The following RALGAPB variants were observed in gnomAD, a reference collection of about 807,000 sequenced individuals.
RALGAPB encodes ral GTPase-activating protein subunit beta.
RALGAPB carries 25 observed loss-of-function variants against 161.1 expected under a neutral mutation model. That is an observed-to-expected ratio of 0.16 (90% confidence interval 0.11 to 0.22). The LOEUF is 0.22. RALGAPB is among the 10% of genes least tolerant of loss of function. The probability of loss-of-function intolerance (pLI) is 1.00; values close to 1 mark genes in which losing one functional copy is unlikely to be tolerated. For missense variants in RALGAPB, 1,391 were observed against 1,815.2 expected, an observed-to-expected ratio of 0.77 and a Z score of 4.25; for synonymous variants, 629 against 626.1, an observed-to-expected ratio of 1.00 and a Z score of -0.07.
At position 38,548,801 on chromosome 20, in the gene RALGAPB, C is replaced by T. The variant is rs2087260606; in HGVS notation, c.3009+6C>T. The T allele has an allele frequency of 1.9e-6, 3 of 1,595,046 alleles. No homozygotes were observed. The highest frequency in any genetic ancestry group is 2.6e-6 in the Non-Finnish European group (3 of 1,162,696). On this transcript the variant is annotated splice_donor_region_variant and intron_variant, in intron 20 of 29. Transcript: ENST00000262879. ...GAGCAAAAGCAAATCAGAAGGTATT[C>T]ATCAGAAGTTACAGGGAAGTGTGTG...
intron 13 of RALGAPB, 107 bp from the exon 14 acceptor site, chr20:38,531,060 T>C: frequency 2.0e-6 from 2 of 995,512 alleles, no homozygotes; most frequent in Non-Finnish European, 3.0e-6. Context: ...TCAGGAATGC[T>C]CAACCAAAAT....
At chr20:38,572,828 A>G (rs2088289541) in intron 28 of RALGAPB, among the ~76,000 whole-genome samples, 1 of 152,184 alleles carries the variant, frequency 6.6e-6, no homozygotes. Flanking sequence ...ATACTTTCTT[A>G]ATATTATCTA....
intron 6 of RALGAPB, among the ~76,000 whole-genome samples, chr20:38,515,196 T>C (rs1032280516): frequency 6.6e-6 from 1 of 152,238 alleles, no homozygotes; most frequent in African/African-American, 2.4e-5. Context: ...AGTCCAGTTC[T>C]ATGGAAACAG....
intron 18 of RALGAPB, among the ~76,000 whole-genome samples, chr20:38,545,734 G>A (rs757918188): frequency 5.5e-4 from 84 of 152,176 alleles, no homozygotes; most frequent in Non-Finnish European, 8.8e-4. Flanking sequence ...ATGGTTTGCA[G>A]AAAATAGGAG....
chr20:38,504,426 A>G (rs987874767), intron 5 of RALGAPB, among the ~76,000 whole-genome samples: 2 of 152,236 alleles, frequency 1.3e-5, no homozygotes, highest in African/African-American at 4.8e-5. Context: ...ATATACAAAA[A>G]TTAACTCAAG....
At chr20:38,553,777 CAAAA>C (rs35778032) in intron 21 of RALGAPB, 86 bp from the exon 22 acceptor site, 721 of 277,560 alleles carry the variant, frequency 2.6e-3, no homozygotes, top group Middle Eastern at 5.7e-3. Flanking sequence ...AGCCCAGTCT[CAAAA>C]AAAAAAAAAA....
At chr20:38,505,153 A>G (rs928358253) in intron 5 of RALGAPB, among the ~76,000 whole-genome samples, 2 of 152,242 alleles carry the variant, frequency 1.3e-5, no homozygotes, top group Non-Finnish European at 2.9e-5. Flanking sequence ...ACGATTCACA[A>G]TAGCAAAGAC....
At chr20:38,544,581 C>T (rs1355661059) in intron 18 of RALGAPB, among the ~76,000 whole-genome samples, 1 of 152,196 alleles carries the variant, frequency 6.6e-6, no homozygotes, top group East Asian at 1.9e-4. Flanking sequence ...AATTCTCCTC[C>T]CTCAGCTTCC....
At chr20:38,485,735 T>C (rs1282149358) in intron 1 of RALGAPB, among the ~76,000 whole-genome samples, 2 of 152,108 alleles carry the variant, frequency 1.3e-5, no homozygotes, top group East Asian at 3.9e-4. Context: ...TTATCGCTTG[T>C]TTTGTTAGTT....
chr20:38,518,053 T>C, intron 9 of RALGAPB, 53 bp downstream of exon 9: 1 of 1,526,056 alleles, frequency 6.6e-7, no homozygotes, highest in Non-Finnish European at 9.1e-7. Context: ...CCTTTTTCTT[T>C]TTCTTTTTAG....
chr20:38,561,528 G>GA (rs1476430673), intron 23 of RALGAPB, among the ~76,000 whole-genome samples: 1 of 152,164 alleles, frequency 6.6e-6, no homozygotes, highest in Non-Finnish European at 1.5e-5. Flanking sequence ...GGAATTTTTA[G>GA]AAATAGTGAT....
At chr20:38,553,801 A>C (rs1406254653) in intron 21 of RALGAPB, 66 bp from the exon 22 acceptor site, 19 of 861,954 alleles carry the variant, frequency 2.2e-5, no homozygotes, top group South Asian at 7.1e-5. Flanking sequence ...AAAAAAAAAA[A>C]CACTTAAGAT....
chr20:38,563,056 C>G (rs1285277326), intron 24 of RALGAPB, among the ~76,000 whole-genome samples: 1 of 152,142 alleles, frequency 6.6e-6, no homozygotes, highest in Non-Finnish European at 1.5e-5. Context: ...CAGAGCAACT[C>G]CCTGTCTCTA....
chr20:38,476,707 C>CT (rs1371556870), intron 1 of RALGAPB, among the ~76,000 whole-genome samples: 14 of 152,192 alleles, frequency 9.2e-5, no homozygotes, highest in Admixed American at 1.3e-4. Flanking sequence ...AATATACCTA[C>CT]TGAACAGAAT....
Position 38,473,012 on chromosome 20 carries a change from C to G in RALGAPB, c.-88C>G, listed in dbSNP as rs1310946420. ...GCGCGGGTCGCGTGAGGCGGAAGGC[C>G]GAGGACGGCCGGCGGCGGCGCCCGC... is the stretch of plus-strand genomic sequence containing the variant. On this transcript the variant is annotated 5_prime_UTR_variant, in exon 1 of 30. Transcript: ENST00000262879. 3 of 394,880 alleles carry G rather than the reference C, an allele frequency of 7.6e-6. No homozygotes were observed. Among genetic ancestry groups the G allele is most frequent in the African/African-American group, 2.1e-5 (1 of 48,378 alleles). 24.5% of individuals were successfully genotyped at this position (394,880 alleles called of 1,614,324 possible). A position where few individuals can be genotyped will look rare whatever the true frequency, so the allele number is the denominator to read the frequency against.
At chr20:38,480,162 T>G (rs568082759) in intron 1 of RALGAPB, among the ~76,000 whole-genome samples, 5 of 151,190 alleles carry the variant, frequency 3.3e-5, no homozygotes, top group African/African-American at 1.2e-4. Context: ...AAGGTTAAAC[T>G]TTTGCTCATT....
chr20:38,491,322 A>T (rs1052745238), intron 2 of RALGAPB, among the ~76,000 whole-genome samples: 1 of 150,788 alleles, frequency 6.6e-6, no homozygotes, highest in African/African-American at 2.4e-5. Context: ...TGATCAGCAT[A>T]CACTGTTTTT....
intron 28 of RALGAPB, among the ~76,000 whole-genome samples, chr20:38,572,790 A>G (rs1246655077): frequency 6.6e-6 from 1 of 152,238 alleles, no homozygotes; most frequent in African/African-American, 2.4e-5. Flanking sequence ...TCAGATAGCT[A>G]AACAACATCG....
chr20:38,569,965 T>C lies in RALGAPB; in HGVS notation c.4032T>C (p.Ser1344=). Residue 1344 remains serine, a synonymous_variant, in exon 27 of 30, where the codon TCT becomes TCC. Transcript: ENST00000262879. ...CCCTTGGACCTGAGACAAGAGTTTC[T>C]GTAGTCTGGGTGGAACGCTATGATG... ...VPPLGPETRV[S]VVWVERYDDI... 2 of 1,613,642 alleles carry C rather than the reference T, an allele frequency of 1.2e-6. No individual in the cohort carries two copies. Among genetic ancestry groups the C allele is most frequent in the Non-Finnish European group, 1.7e-6 (2 of 1,179,652 alleles).
Sources: allele counts gnomAD v4.1 joint callset (sites outside exome capture counted in the v4.1 genomes callset), GRCh38; gene constraint gnomAD v4.1.1; transcripts MANE v1.5; gene names NCBI Gene and HGNC (gene_info 2026-07-23, HGNC 2026-07-21).